ASCC3: variants seen among roughly 807,000 people sequenced by gnomAD.
The protein encoded by ASCC3 is ASC-1 complex subunit P200.
ASCC3 carries 158 observed loss-of-function variants against 256.3 expected under a neutral mutation model. The observed-to-expected ratio is 0.62, with a 90% CI of 0.54 to 0.70. The LOEUF (loss-of-function observed/expected upper bound fraction) is 0.70. Among genes scored for constraint, ASCC3 ranks in the 30% least tolerant of loss-of-function variants. The pLI, the probability that ASCC3 is intolerant of heterozygous loss-of-function variation, is 0.00. For synonymous variants in ASCC3, 948 were observed against 883.4 expected, an observed-to-expected ratio of 1.07 and a Z score of -1.30; for missense variants, 2,259 against 2,626.0, an observed-to-expected ratio of 0.86 and a Z score of 3.05.
chr6:100,651,515 G>A, intron 19 of ASCC3, 45 bp downstream of exon 19: 1 of 1,113,748 alleles, frequency 9.0e-7, no homozygotes, highest in Non-Finnish European at 1.3e-6. Context: ...ATGAATGAAT[G>A]CATACATGTT....
At chr6:100,794,961 T>C (rs1365855232) in intron 8 of ASCC3, among the ~76,000 whole-genome samples, 1 of 152,082 alleles carries the variant, frequency 6.6e-6, no homozygotes, top group Non-Finnish European at 1.5e-5. Flanking sequence ...CTCATCCTAC[T>C]TTTAAGGGTA....
chr6:100,835,796 G>C (rs746540327), intron 4 of ASCC3, among the ~76,000 whole-genome samples: 6 of 152,110 alleles, frequency 3.9e-5, no homozygotes, highest in South Asian at 4.2e-4. Flanking sequence ...AGAATGTTAC[G>C]GGTATTTTGA....
At chr6:100,877,370 CA>C (rs1774052412) in intron 1 of ASCC3, among the ~76,000 whole-genome samples, 1 of 152,070 alleles carries the variant, frequency 6.6e-6, no homozygotes, top group Non-Finnish European at 1.5e-5. Flanking sequence ...CTTGTACCCA[CA>C]AACCACACCT....
Position 100,759,569 on chromosome 6 carries a change from T to C in ASCC3, c.1737+6996A>G, listed in dbSNP as rs1364032513. ...ATGTGTGGTGTTATTTCTTGTAGTA[T>C]AGTTTGAAGTCAGGTAGCATGATGC... On this transcript the variant is annotated intron_variant, in intron 10 of 41. Transcript: ENST00000369162. Among the ~76,000 whole-genome samples the C allele has an allele frequency of 1.3e-5, 2 of 151,718 alleles. 1 individual carries two copies. The highest frequency in any genetic ancestry group is 4.1e-4 in the South Asian group (2 of 4,824).
rs1778539107 is a variant in ASCC3, at chr6:100,705,558, C to T, written c.2151+9904G>A. Among the ~76,000 whole-genome samples, 10 of 151,830 alleles carry T rather than the reference C, an allele frequency of 6.6e-5. No homozygotes were observed. The South Asian group carries it at 2.1e-3, about 31-fold the overall frequency. On this transcript the variant is annotated intron_variant, in intron 13 of 41. Transcript: ENST00000369162. ...TAGCTTCTCTGATAAAACCAAAGTA[C>T]TTAAGGAAACCAAACCAGGGAGAAA...
chr6:100,802,114 G>C (rs1769945175), intron 5 of ASCC3, among the ~76,000 whole-genome samples: 1 of 151,586 alleles, frequency 6.6e-6, no homozygotes, highest in Non-Finnish European at 1.5e-5. Flanking sequence ...AGAACATACT[G>C]GAATCCTGTA....
At chr6:100,632,908 C>T (rs77661956) in intron 25 of ASCC3, among the ~76,000 whole-genome samples, 3,649 of 151,742 alleles carry the variant, frequency 0.024, 57 homozygotes, top group Non-Finnish European at 0.035. Context: ...TTGGTCTTGG[C>T]GATGATTTTT....
intron 30 of ASCC3, among the ~76,000 whole-genome samples, chr6:100,611,822 G>GGACA (rs1374801020): frequency 6.6e-6 from 1 of 151,106 alleles, no homozygotes; most frequent in African/African-American, 2.4e-5. Context: ...GGATGCCTTA[G>GGACA]GACATTAAGG....
chr6:100,703,977 T>G (rs1778462005), intron 13 of ASCC3, among the ~76,000 whole-genome samples: 1 of 151,514 alleles, frequency 6.6e-6, no homozygotes, highest in African/African-American at 2.4e-5. Context: ...ATAGGAAAGT[T>G]TTAAAATTCT....
chr6:100,607,212 T>C (rs2114807837), intron 30 of ASCC3, 124 bp from the exon 31 acceptor site: 5 of 965,474 alleles, frequency 5.2e-6, no homozygotes, highest in Non-Finnish European at 7.8e-6. Flanking sequence ...ATATAAGTCC[T>C]ATATACAGTT....
chr6:100,862,246 AG>A (rs2114540971), intron 3 of ASCC3, among the ~76,000 whole-genome samples: 1 of 152,284 alleles, frequency 6.6e-6, no homozygotes, highest in East Asian at 1.9e-4. Context: ...ACCTCATCAA[AG>A]TGTGTTATAT....
In ASCC3 at chr6:100,525,839, G is replaced by A. The variant is rs181558292; in HGVS notation, c.5776-7697C>T. On this transcript the variant is annotated intron_variant, in intron 37 of 41. Transcript: ENST00000369162. ...CAAAAAGTTTATTTAAAAAAATTAC[G>A]GAAATTGATCCTAGGCAGCTTGTTA... Among the ~76,000 whole-genome samples, 7 of 152,196 alleles carry A rather than the reference G, an allele frequency of 4.6e-5. No homozygotes were observed. In the East Asian group the frequency reaches 5.8e-4, roughly 13 times the overall value.
intron 13 of ASCC3, among the ~76,000 whole-genome samples, chr6:100,708,630 C>G (rs80340381): frequency 0.015 from 2,340 of 152,050 alleles, 23 homozygotes; most frequent in East Asian, 0.045. Context: ...GGGTAGAGAC[C>G]AGGGATGCTG....
intron 36 of ASCC3, among the ~76,000 whole-genome samples, chr6:100,552,763 A>G (rs549845094): frequency 6.6e-6 from 1 of 152,006 alleles, no homozygotes; most frequent in Middle Eastern, 3.2e-3. Context: ...ATTATGGAGT[A>G]TATTACTCTG....
chr6:100,630,168 C>A (rs1009756405), intron 26 of ASCC3, among the ~76,000 whole-genome samples: 2 of 152,102 alleles, frequency 1.3e-5, no homozygotes, highest in Non-Finnish European at 2.9e-5. Context: ...AGGTTACAGG[C>A]ATGAGCCACC....
At chr6:100,554,263 T>A (rs1431708646) in intron 36 of ASCC3, among the ~76,000 whole-genome samples, 5 of 152,176 alleles carry the variant, frequency 3.3e-5, no homozygotes, top group Non-Finnish European at 1.5e-5. Context: ...AACATACATA[T>A]ATATTTTTTC....
intron 10 of ASCC3, among the ~76,000 whole-genome samples, chr6:100,728,272 T>C (rs1461922526): frequency 4.0e-5 from 6 of 151,854 alleles, no homozygotes; most frequent in Non-Finnish European, 7.4e-5. Flanking sequence ...GAGAGACAGA[T>C]AGACAGAGAG....
Position 100,725,491 on chromosome 6 carries a change from A to G in ASCC3, c.1902+48T>C. The G allele has an allele frequency of 1.9e-6, 3 of 1,589,306 alleles. No homozygotes were observed. In the South Asian group the frequency reaches 3.3e-5, roughly 18 times the overall value. ...TGAAAATGCTACATTTTAAGTTGAA[A>G]AACATATTTATCCCTTCAAAATAAG... On this transcript the variant is annotated intron_variant, in intron 11 of 41. Transcript: ENST00000369162.
At chr6:100,642,823 A>T in intron 23 of ASCC3, 74 bp from the exon 24 acceptor site, 1 of 1,306,850 alleles carries the variant, frequency 7.7e-7, no homozygotes. Context: ...TATTGTTAAG[A>T]TAACGGTATC....
Sources: allele counts gnomAD v4.1 joint callset (sites outside exome capture counted in the v4.1 genomes callset), GRCh38; gene constraint gnomAD v4.1.1; transcripts MANE v1.5; gene names NCBI Gene and HGNC (gene_info 2026-07-23, HGNC 2026-07-21).